ROBO1: variants seen among roughly 807,000 people sequenced by gnomAD.
ROBO1 encodes the protein roundabout homolog 1.
A neutral mutation model predicts 195.9 loss-of-function variants in ROBO1; 149 were observed. That is an observed-to-expected ratio of 0.76 (90% CI 0.67 to 0.87). The LOEUF is 0.87. Ranked by LOEUF, ROBO1 falls within the 40% of genes least tolerant of loss-of-function variation. The pLI, the probability that ROBO1 is intolerant of heterozygous loss-of-function variation, is 0.00. For synonymous variants in ROBO1, 816 were observed against 733.2 expected, an observed-to-expected ratio of 1.11 and a Z score of -1.82; for missense variants, 1,933 against 2,068.3, an observed-to-expected ratio of 0.93 and a Z score of 1.27.
chr3:79,636,960 A>G (rs748466588), intron 1 of ROBO1, among the ~76,000 whole-genome samples: 23 of 152,220 alleles, frequency 1.5e-4, no homozygotes, highest in Non-Finnish European at 2.5e-4. Context: ...AAATTTTGAA[A>G]GCTTAGAAAA....
chr3:78,709,031 T>G (rs2107998189), intron 8 of ROBO1, among the ~76,000 whole-genome samples: 1 of 152,290 alleles, frequency 6.6e-6, no homozygotes, highest in East Asian at 1.9e-4. Flanking sequence ...GAAAGGTATG[T>G]AGATATTATA....
At chr3:79,198,013 T>C (rs1259134848) in intron 2 of ROBO1, among the ~76,000 whole-genome samples, 1 of 152,090 alleles carries the variant, frequency 6.6e-6, no homozygotes, top group Non-Finnish European at 1.5e-5. Context: ...TAGTACTTTC[T>C]TTTGCTGTGG....
intron 2 of ROBO1, among the ~76,000 whole-genome samples, chr3:79,576,521 G>A (rs868209596): frequency 2.8e-4 from 43 of 151,932 alleles, no homozygotes; most frequent in Middle Eastern, 6.8e-3. Flanking sequence ...AGTAAATATT[G>A]TCTAGTTTAA....
At chr3:79,643,114 T>C (rs965687031) in intron 1 of ROBO1, among the ~76,000 whole-genome samples, 2 of 152,092 alleles carry the variant, frequency 1.3e-5, no homozygotes, top group Non-Finnish European at 1.5e-5. Flanking sequence ...ACAGAAGAAG[T>C]TGGAAAGAGC....
chr3:79,685,407 C>T (rs1699211024), intron 1 of ROBO1, among the ~76,000 whole-genome samples: 2 of 152,106 alleles, frequency 1.3e-5, no homozygotes, highest in African/African-American at 4.8e-5. Flanking sequence ...TTTTTAAAGG[C>T]CTTTATGGAC....
chr3:78,831,591 G>A (rs1309063795), intron 4 of ROBO1, among the ~76,000 whole-genome samples: 18 of 152,160 alleles, frequency 1.2e-4, no homozygotes, highest in Admixed American at 1.0e-3. Context: ...AATGACATGA[G>A]ATAGTTTATA....
intron 2 of ROBO1, among the ~76,000 whole-genome samples, chr3:79,355,595 A>G (rs2035519005): frequency 6.6e-6 from 1 of 152,036 alleles, no homozygotes. Flanking sequence ...TCTGGTAACC[A>G]CTGTTCTACT....
At chr3:78,743,870 A>G (rs539157695) in intron 5 of ROBO1, among the ~76,000 whole-genome samples, 2 of 152,260 alleles carry the variant, frequency 1.3e-5, no homozygotes, top group East Asian at 1.9e-4. Flanking sequence ...ATGAAGCTGA[A>G]AAAGTCAAAC....
chr3:78,629,884 C>T (rs1457460312), intron 25 of ROBO1, among the ~76,000 whole-genome samples: 2 of 152,154 alleles, frequency 1.3e-5, no homozygotes, highest in African/African-American at 2.4e-5. Context: ...ATACACTTTG[C>T]TTTCTTGTGT....
intron 4 of ROBO1, among the ~76,000 whole-genome samples, chr3:78,866,276 A>T (rs1356986781): frequency 2.6e-5 from 4 of 152,222 alleles, no homozygotes; most frequent in Non-Finnish European, 5.9e-5. Flanking sequence ...AGCATTTAGA[A>T]AACTATTTCA....
intron 2 of ROBO1, among the ~76,000 whole-genome samples, chr3:79,475,515 A>AT (rs2107344299): frequency 6.6e-6 from 1 of 152,242 alleles, no homozygotes; most frequent in Non-Finnish European, 1.5e-5. Flanking sequence ...GCACTAAACT[A>AT]TAATGGCAAT....
chr3:79,642,301 T>C (rs1033987324), intron 1 of ROBO1, among the ~76,000 whole-genome samples: 4 of 152,064 alleles, frequency 2.6e-5, no homozygotes, highest in Non-Finnish European at 5.9e-5. Context: ...TGACCAAATA[T>C]AAGAATTATT....
At chr3:79,524,058 A>G (rs1453398706) in intron 2 of ROBO1, among the ~76,000 whole-genome samples, 1 of 152,086 alleles carries the variant, frequency 6.6e-6, no homozygotes, top group African/African-American at 2.4e-5. Context: ...TGATGTTATG[A>G]AGGAAGATAT....
At chr3:78,759,950 C>A (rs1175813572) in intron 4 of ROBO1, among the ~76,000 whole-genome samples, 1 of 152,152 alleles carries the variant, frequency 6.6e-6, no homozygotes, top group Non-Finnish European at 1.5e-5. Flanking sequence ...AGAATCTGGA[C>A]AACATAAAAC....
intron 2 of ROBO1, among the ~76,000 whole-genome samples, chr3:79,296,681 AT>A (rs754173612): frequency 2.0e-5 from 3 of 152,214 alleles, no homozygotes; most frequent in South Asian, 4.1e-4. Context: ...TCAACATGGA[AT>A]TTCAGTTATA....
chr3:78,809,590 C>A (rs562933522), intron 4 of ROBO1, among the ~76,000 whole-genome samples: 3 of 152,166 alleles, frequency 2.0e-5, no homozygotes, highest in African/African-American at 7.2e-5. Flanking sequence ...GGAACCAACA[C>A]AAATGCCCAT....
chr3:79,334,332 G>GTATATATATA (rs1455856434), intron 2 of ROBO1, among the ~76,000 whole-genome samples: 1 of 116,286 alleles, frequency 8.6e-6, no homozygotes, highest in African/African-American at 2.9e-5. Context: ...ATATATATAT[G>GTATATATATA]TGTATATATA....
At chr3:78,801,565 A>C (rs1304430406) in intron 4 of ROBO1, among the ~76,000 whole-genome samples, 1 of 152,168 alleles carries the variant, frequency 6.6e-6, no homozygotes, top group African/African-American at 2.4e-5. Context: ...TTTAAATAGA[A>C]AAAATATAAT....
Position 79,107,106 on chromosome 3 carries a change from T to TTCTC in ROBO1, c.172+18346_172+18349dup, listed in dbSNP as rs1162609873. Among the ~76,000 whole-genome samples the TTCTC allele has an allele frequency of 3.1e-3, 386 of 125,396 alleles. 2 individuals carry two copies. Among genetic ancestry groups the TTCTC allele is most frequent in the African/African-American group, 9.6e-3 (335 of 34,864 alleles). The allele number at this position is 125,396 out of a possible 152,430, so 82.3% of individuals were successfully genotyped here. A position where few individuals can be genotyped will look rare whatever the true frequency, so the allele number is the denominator to read the frequency against. ...AAACTGCTTATCTATACCTCTCTCT[T>TTCTC]TCTCTCTCTCTCTCTCTCTCTCACA... On this transcript the variant is annotated intron_variant, in intron 3 of 30. Transcript: ENST00000464233.
Sources: allele counts gnomAD v4.1 joint callset (sites outside exome capture counted in the v4.1 genomes callset), GRCh38; gene constraint gnomAD v4.1.1; transcripts MANE v1.5; gene names NCBI Gene and HGNC (gene_info 2026-07-23, HGNC 2026-07-21).